LAPTM4A: variants seen among roughly 807,000 people sequenced by gnomAD.
LAPTM4A encodes the protein lysosomal-associated transmembrane protein 4A.
In LAPTM4A, 19 loss-of-function variants were observed where a neutral mutation model predicts 29.9. The observed-to-expected ratio is 0.64, with a 90% CI of 0.44 to 0.93. The LOEUF is 0.93. Ranked by LOEUF, LAPTM4A falls within the 40% of genes least tolerant of loss-of-function variation. LAPTM4A has a pLI of 0.00. For synonymous variants in LAPTM4A, 105 were observed against 102.1 expected (o/e 1.03, Z -0.17); for missense variants, 293 against 288.5 (o/e 1.02, Z -0.11).
intron 1 of LAPTM4A, among the ~76,000 whole-genome samples, chr2:20,050,888 A>C (rs1440729916): frequency 6.6e-6 from 1 of 152,216 alleles, no homozygotes; most frequent in Non-Finnish European, 1.5e-5. Context: ...GAAACAAAAC[A>C]AAGTCCAAGA....
rs1674069351 is a variant in LAPTM4A, at chr2:20,051,428, G to C, written c.93C>G (p.Ile31Met). 2 of 1,612,698 alleles carry C rather than the reference G, an allele frequency of 1.2e-6. No individual in the cohort carries two copies. Among genetic ancestry groups the C allele is most frequent in the Non-Finnish European group, 1.7e-6 (2 of 1,178,974 alleles). Residue 31 changes from isoleucine to methionine, a missense_variant, in exon 1 of 7, where the codon ATC becomes ATG. By Grantham distance (10) the Ile-to-Met change is conservative. Transcript: ENST00000175091. ...GCCHVRTGTI[I>M]LGTWYMVVNL... ...GCCTTACCATGTACCAGGTCCCCAG[G>C]ATGATCGTCCCGGTGCGGACATGGC...
chr2:20,051,502 T>A lies in LAPTM4A; in HGVS notation c.19A>T (p.Lys7Ter). 6.2e-7 allele frequency: 1 copy of A among 1,608,802 alleles called. No homozygotes were observed. Among genetic ancestry groups the A allele is most frequent in the Middle Eastern group, 1.7e-4 (1 of 6,046 alleles). Residue 7 changes from lysine to a stop codon, truncating the protein, a stop_gained, in exon 1 of 7, where the codon AAG becomes TAG. Coordinates refer to ENST00000175091, the MANE Select transcript of LAPTM4A (RefSeq NM_014713.5). LOFTEE classifies it high-confidence loss of function. ...TAGAACCGGTCACTGCGGTTCCGCT[T>A]GAAACTCATGGACACCATCGTAACA... MVSMSF[K>*]RNRSDRFYST... is the part of the protein sequence containing the mutation.
chr2:20,035,238 T>C (rs899508749), intron 4 of LAPTM4A, 176 bp from the exon 5 acceptor site: 6 of 586,532 alleles, frequency 1.0e-5, no homozygotes, highest in Non-Finnish European at 1.9e-5. Context: ...TCACCATTAA[T>C]GCATGCTAAC....
At chr2:20,038,022 T>A (rs1437356744) in intron 2 of LAPTM4A, among the ~76,000 whole-genome samples, 1 of 151,958 alleles carries the variant, frequency 6.6e-6, no homozygotes, top group African/African-American at 2.4e-5. Flanking sequence ...CAGGAAAAAA[T>A]ATGAAGAAAT....
rs1355038304 is a variant in LAPTM4A at position 20,035,022 on chromosome 2, G to T, written c.473C>A (p.Ser158Tyr). The change falls in exon 5 of 7, where the codon TCC (serine) becomes TAC (tyrosine). Residue 158 changes from serine to tyrosine, a missense_variant. Coordinates refer to ENST00000175091, the MANE Select transcript of LAPTM4A (RefSeq NM_014713.5). ...PYKDDLLALD[S>Y]SCLLFIVLVF... ...AAGAACAATGAACAGGAGGCAGCTG[G>T]AGTCCAAGGCCAGGAGGTCATCTTT... 6.2e-7 allele frequency: 1 copy of T among 1,613,036 alleles called. No homozygotes were observed.
chr2:20,042,257 A>AC (rs1446010879), intron 1 of LAPTM4A, among the ~76,000 whole-genome samples: 1 of 152,200 alleles, frequency 6.6e-6, no homozygotes. Context: ...GAGCCACCGC[A>AC]CCCAGCCTGC....
chr2:20,040,301 T>C (rs1049103297), intron 2 of LAPTM4A, among the ~76,000 whole-genome samples: 1 of 152,240 alleles, frequency 6.6e-6, no homozygotes, highest in Non-Finnish European at 1.5e-5. Context: ...AAAAACTTAA[T>C]AGTCCATTAC....
intron 1 of LAPTM4A, among the ~76,000 whole-genome samples, chr2:20,045,508 G>A (rs571745379): frequency 2.0e-5 from 3 of 152,056 alleles, no homozygotes; most frequent in East Asian, 1.9e-4. Flanking sequence ...TCTAAACTTG[G>A]CAATATGGAG....
chr2:20,038,214 T>G (rs918028673), intron 2 of LAPTM4A, among the ~76,000 whole-genome samples: 1 of 152,164 alleles, frequency 6.6e-6, no homozygotes, highest in Non-Finnish European at 1.5e-5. Flanking sequence ...AACACCAAAA[T>G]TCATTGCTTC....
chr2:20,033,627 T>A lies in LAPTM4A; in HGVS notation c.628-348A>T, dbSNP rs932865968. Among the ~76,000 whole-genome samples the A allele has an allele frequency of 2.0e-5, 3 of 152,142 alleles. No homozygotes were observed. In the East Asian group the frequency reaches 5.8e-4, roughly 29 times the overall value. On this transcript the variant is annotated intron_variant, in intron 6 of 6. Coordinates refer to ENST00000175091, the MANE Select transcript of LAPTM4A (RefSeq NM_014713.5). The stretch of plus-strand genomic sequence containing the variant: ...ACACTTCAGGTGTTGAGGAGTTGGG[T>A]TAAACCATGCAATAGGAAACACCCA...
chr2:20,037,686 A>G, intron 2 of LAPTM4A, 72 bp from the exon 3 acceptor site: 1 of 970,592 alleles, frequency 1.0e-6, no homozygotes. Flanking sequence ...ACTTAAAGCT[A>G]GCTTTAAAAT....
At chr2:20,045,383 T>C (rs1412147043) in intron 1 of LAPTM4A, among the ~76,000 whole-genome samples, 2 of 152,032 alleles carry the variant, frequency 1.3e-5, no homozygotes, top group Non-Finnish European at 2.9e-5. Flanking sequence ...GGAGGATTGT[T>C]TGAGCCCAGT....
In LAPTM4A at chr2:20,041,124, T is replaced by A. The variant is rs1056082484; in HGVS notation, c.112-113A>T. The A allele has an allele frequency of 4.2e-6, 4 of 952,258 alleles. No homozygotes were observed. In the African/African-American group the frequency reaches 6.5e-5, roughly 16 times the overall value. 59.0% of individuals were successfully genotyped at this position (952,258 alleles called of 1,614,324 possible). ...ATTGTCTTACTTGAAGTAACAAAGATATAAAATAGTGGGAGACTACCTGTG... is the reference window on the plus strand; with the variant it reads ...ATTGTCTTACTTGAAGTAACAAAGAAATAAAATAGTGGGAGACTACCTGTG... On this transcript the variant is annotated intron_variant, in intron 1 of 6. Transcript: ENST00000175091.
At chr2:20,035,824 A>G (rs2103495295) in intron 4 of LAPTM4A, among the ~76,000 whole-genome samples, 1 of 152,310 alleles carries the variant, frequency 6.6e-6, no homozygotes, top group South Asian at 2.1e-4. Context: ...CTTTTCTATA[A>G]AGCTGATTTA....
chr2:20,037,289 AT>A, intron 4 of LAPTM4A, 26 bp downstream of exon 4: 1 of 1,535,840 alleles, frequency 6.5e-7, no homozygotes, highest in East Asian at 2.3e-5. Flanking sequence ...TGAAAAAAAA[AT>A]AAGTTTAATG....
At chr2:20,048,197 G>A (rs1673977327) in intron 1 of LAPTM4A, among the ~76,000 whole-genome samples, 1 of 152,188 alleles carries the variant, frequency 6.6e-6, no homozygotes, top group African/African-American at 2.4e-5. Flanking sequence ...ATCTACTACA[G>A]CACACTTTTA....
intron 4 of LAPTM4A, among the ~76,000 whole-genome samples, chr2:20,036,025 T>G (rs1401068759): frequency 6.6e-6 from 1 of 152,164 alleles, no homozygotes; most frequent in Non-Finnish European, 1.5e-5. Context: ...TTTTTTGATC[T>G]TCATCTATAA....
At chr2:20,041,724 G>A (rs1033408480) in intron 1 of LAPTM4A, among the ~76,000 whole-genome samples, 2 of 152,072 alleles carry the variant, frequency 1.3e-5, no homozygotes, top group African/African-American at 4.8e-5. Flanking sequence ...TAGTAGAGAC[G>A]GGGTTTCACT....
chr2:20,035,389 C>G (rs946113450), intron 4 of LAPTM4A: 4 of 269,114 alleles, frequency 1.5e-5, no homozygotes, highest in African/African-American at 8.9e-5. Context: ...AGATCAGTCC[C>G]TGTGTCACTT....
Sources: gnomAD v4.1 joint callset for allele counts (sites outside exome capture counted in the v4.1 genomes callset) on GRCh38, gnomAD v4.1.1 for gene constraint, MANE v1.5 for transcripts, NCBI Gene and HGNC (gene_info 2026-07-23, HGNC 2026-07-21) for gene names.